NALF1: variants seen among roughly 807,000 people sequenced by gnomAD.
NALF1 encodes the protein family with sequence similarity 155 member A.
NALF1 carries 3 observed loss-of-function variants against 48.4 expected under a neutral mutation model. That is an observed-to-expected ratio of 0.06 (90% CI 0.03 to 0.16). The LOEUF is 0.16. Ranked by LOEUF, NALF1 falls within the 10% of genes least tolerant of loss-of-function variation. The probability of loss-of-function intolerance (pLI) is 1.00; values close to 1 mark genes in which losing one functional copy is unlikely to be tolerated. For missense variants in NALF1, 526 were observed against 571.5 expected (o/e 0.92, Z 0.81); for synonymous variants, 262 against 245.7 (o/e 1.07, Z -0.62).
chr13:107,777,559 C>G (rs1877773105), intron 1 of NALF1, among the ~76,000 whole-genome samples: 1 of 152,164 alleles, frequency 6.6e-6, no homozygotes, highest in African/African-American at 2.4e-5. Flanking sequence ...TTCCCCGCAA[C>G]TCTTTCTCTT....
chr13:107,756,332 T>A (rs1284857530), intron 1 of NALF1, among the ~76,000 whole-genome samples: 1 of 151,936 alleles, frequency 6.6e-6, no homozygotes, highest in Non-Finnish European at 1.5e-5. Flanking sequence ...CCCCTGGTGA[T>A]GCCAATGTGG....
intron 1 of NALF1, among the ~76,000 whole-genome samples, chr13:107,284,337 A>G (rs1881448921): frequency 6.6e-6 from 1 of 152,196 alleles, no homozygotes; most frequent in Non-Finnish European, 1.5e-5. Context: ...TAAGCAGGAA[A>G]GCATGACTCA....
chr13:107,612,794 C>A (rs1459060423), intron 1 of NALF1, among the ~76,000 whole-genome samples: 1 of 152,070 alleles, frequency 6.6e-6, no homozygotes, highest in African/African-American at 2.4e-5. Flanking sequence ...TTGCCTGCTG[C>A]AGATTTTGGG....
intron 1 of NALF1, among the ~76,000 whole-genome samples, chr13:107,819,433 C>G (rs1272465298): frequency 6.6e-6 from 1 of 152,168 alleles, no homozygotes; most frequent in East Asian, 1.9e-4. Flanking sequence ...CTTAGGGCAT[C>G]ATGATCTTTT....
At chr13:107,290,911 C>G (rs771672159) in intron 1 of NALF1, among the ~76,000 whole-genome samples, 12 of 151,888 alleles carry the variant, frequency 7.9e-5, no homozygotes, top group African/African-American at 2.9e-4. Flanking sequence ...ATAGTGCCAC[C>G]CTTAACTGAC....
chr13:107,427,931 C>T (rs1245669081), intron 1 of NALF1, among the ~76,000 whole-genome samples: 1 of 152,172 alleles, frequency 6.6e-6, no homozygotes, highest in Admixed American at 6.5e-5. Flanking sequence ...ATGTATTTAA[C>T]TTGAAATATT....
At chr13:107,577,333 GC>G (rs1362062977) in intron 1 of NALF1, among the ~76,000 whole-genome samples, 2 of 152,184 alleles carry the variant, frequency 1.3e-5, no homozygotes, top group Admixed American at 1.3e-4. Flanking sequence ...TCACAGATCT[GC>G]CTGTTCCTCT....
At chr13:107,277,351 A>C (rs982638138) in intron 1 of NALF1, among the ~76,000 whole-genome samples, 1 of 152,200 alleles carries the variant, frequency 6.6e-6, no homozygotes, top group Non-Finnish European at 1.5e-5. Context: ...ATAGGCTATT[A>C]TTCTCAATTT....
At chr13:107,189,225 A>G (rs183555639) in intron 2 of NALF1, among the ~76,000 whole-genome samples, 153 of 152,324 alleles carry the variant, frequency 1.0e-3, no homozygotes, top group South Asian at 3.3e-3. Flanking sequence ...TCACCAGGAG[A>G]ACAAAGACTG....
intron 1 of NALF1, among the ~76,000 whole-genome samples, chr13:107,615,042 G>T (rs1346806592): frequency 6.6e-6 from 1 of 152,042 alleles, no homozygotes; most frequent in East Asian, 1.9e-4. Flanking sequence ...CTCCCAAAGT[G>T]CTGGGATTAC....
chr13:107,866,167 T>TGCCGCCGCC lies in NALF1; in HGVS notation c.421_429dup (p.Gly141_Gly143dup), dbSNP rs538202391. ...CGGTCGTCTTTGCCTCGGTTGCCCT[T>TGCCGCCGCC]GCCGCCGCCGCCGCCGCCGTCTCCC... On this transcript the variant is annotated inframe_insertion, in exon 1 of 3. Coordinates refer to ENST00000375915, the MANE Select transcript of NALF1 (RefSeq NM_001080396.3). The surrounding 1 kb of genome is among the most constrained non-coding windows in gnomAD (Gnocchi z 4.4). The TGCCGCCGCC allele has an allele frequency of 1.2e-6, 2 of 1,605,248 alleles. No homozygotes were observed. Among genetic ancestry groups the TGCCGCCGCC allele is most frequent in the Non-Finnish European group, 1.7e-6 (2 of 1,176,494 alleles).
intron 1 of NALF1, among the ~76,000 whole-genome samples, chr13:107,792,031 A>T (rs556088549): frequency 6.6e-6 from 1 of 152,336 alleles, no homozygotes; most frequent in African/African-American, 2.4e-5. Flanking sequence ...TCTATTTCAA[A>T]TTAATTTTTT....
chr13:107,756,444 T>TATATATATAC (rs1555323656), intron 1 of NALF1, among the ~76,000 whole-genome samples: 1 of 150,550 alleles, frequency 6.6e-6, no homozygotes, highest in African/African-American at 2.4e-5. Context: ...GCTATATATA[T>TATATATATAC]ATATATATAT....
chr13:107,523,887 T>TA (rs980836676), intron 1 of NALF1, among the ~76,000 whole-genome samples: 9 of 152,202 alleles, frequency 5.9e-5, no homozygotes, highest in African/African-American at 2.2e-4. Flanking sequence ...TATAACCTCT[T>TA]ATTTTCATTT....
At chr13:107,252,633 C>T (rs1310553147) in intron 1 of NALF1, among the ~76,000 whole-genome samples, 1 of 152,100 alleles carries the variant, frequency 6.6e-6, no homozygotes, top group Non-Finnish European at 1.5e-5. Flanking sequence ...TAATTCCTTG[C>T]AAGTGAATCA....
intron 1 of NALF1, among the ~76,000 whole-genome samples, chr13:107,226,239 G>A (rs1169918158): frequency 6.6e-6 from 1 of 152,056 alleles, no homozygotes; most frequent in East Asian, 1.9e-4. Flanking sequence ...TGTATGTTAT[G>A]GAAGGAGGCG....
chr13:107,743,697 A>G (rs970958558), intron 1 of NALF1, among the ~76,000 whole-genome samples: 5 of 152,214 alleles, frequency 3.3e-5, no homozygotes, highest in African/African-American at 1.2e-4. Context: ...CAGAGTAAAC[A>G]GTATAGCAGA....
At chr13:107,455,744 T>A (rs956061426) in intron 1 of NALF1, among the ~76,000 whole-genome samples, 1 of 152,222 alleles carries the variant, frequency 6.6e-6, no homozygotes, top group Non-Finnish European at 1.5e-5. Flanking sequence ...TTTGTCTTCA[T>A]AGATTTGCCT....
chr13:107,450,671 T>C (rs1009833719), intron 1 of NALF1, among the ~76,000 whole-genome samples: 1 of 152,012 alleles, frequency 6.6e-6, no homozygotes, highest in East Asian at 1.9e-4. Flanking sequence ...ATGCCATGGG[T>C]GAATCCCCAG....
Sources: gnomAD v4.1 joint callset for allele counts (sites outside exome capture counted in the v4.1 genomes callset) on GRCh38, gnomAD v4.1.1 for gene constraint, Gnocchi (gnomAD v3.1) non-coding constraint, MANE v1.5 for transcripts, NCBI Gene and HGNC (gene_info 2026-07-23, HGNC 2026-07-21) for gene names.